Variants in TAFA1 observed in about 807,000 individuals in gnomAD.
The protein encoded by TAFA1 is chemokine-like protein TAFA-1.
Under a neutral mutation model 18.5 loss-of-function variants are expected in TAFA1, and 4 were observed. The ratio of observed to expected loss-of-function variants is 0.22; its 90% CI spans 0.11 to 0.49. TAFA1 has a LOEUF of 0.49. TAFA1 is among the 20% of genes least tolerant of loss of function. The pLI, the probability that TAFA1 is intolerant of heterozygous loss-of-function variation, is 0.98. For missense variants in TAFA1, 147 were observed against 169.0 expected (o/e 0.87, Z 0.72); for synonymous variants, 56 against 55.2 (o/e 1.01, Z -0.06).
intron 2 of TAFA1, among the ~76,000 whole-genome samples, chr3:68,345,131 A>T (rs1677504296): frequency 6.6e-6 from 1 of 152,122 alleles, no homozygotes; most frequent in Admixed American, 6.5e-5. Flanking sequence ...CCACCTTCAC[A>T]GTCTACATCC....
chr3:68,414,251 G>A (rs2070769992), intron 2 of TAFA1, among the ~76,000 whole-genome samples: 1 of 152,184 alleles, frequency 6.6e-6, no homozygotes. Context: ...AGGTTGCAGT[G>A]AACTGAGATC....
At chr3:68,310,747 G>A (rs1279887578) in intron 2 of TAFA1, among the ~76,000 whole-genome samples, 1 of 152,078 alleles carries the variant, frequency 6.6e-6, no homozygotes, top group Admixed American at 6.6e-5. Flanking sequence ...TTTGAAATGA[G>A]TCTAATATTT....
At chr3:68,293,211 A>G (rs1259550151) in intron 2 of TAFA1, among the ~76,000 whole-genome samples, 1 of 152,170 alleles carries the variant, frequency 6.6e-6, no homozygotes, top group Admixed American at 6.5e-5. Context: ...AAATAATCAT[A>G]TGCTGGCAGC....
rs1460534931 is a variant in TAFA1, at chr3:68,041,636, C to T, written c.118+34892C>T. Reference sequence around the variant, plus strand: ...AGTGTCTGCTATGTTAGGCATTGTGCTAGGTGCTGGAGCTGTGTGGAGAAG... The same window carrying T: ...AGTGTCTGCTATGTTAGGCATTGTGTTAGGTGCTGGAGCTGTGTGGAGAAG... On this transcript the variant is annotated intron_variant, in intron 2 of 4. Coordinates refer to ENST00000478136, the MANE Select transcript of TAFA1 (RefSeq NM_213609.4). Among the ~76,000 whole-genome samples the T allele has an allele frequency of 2.6e-5, 4 of 152,170 alleles. 1 individual carries two copies. The highest frequency in any genetic ancestry group is 4.8e-5 in the African/African-American group (2 of 41,434).
At chr3:68,389,321 C>T (rs969634081) in intron 2 of TAFA1, among the ~76,000 whole-genome samples, 1 of 152,170 alleles carries the variant, frequency 6.6e-6, no homozygotes, top group Admixed American at 6.5e-5. Context: ...TTTCATCAAC[C>T]TGGCCTCTTT....
intron 1 of TAFA1, 185 bp from the exon 2 acceptor site, chr3:68,006,436 TATG>T: frequency 1.8e-6 from 1 of 548,702 alleles, no homozygotes; most frequent in East Asian, 2.8e-5. Context: ...AAAATGAATG[TATG>T]ATCATCTGAA....
chr3:68,510,776 T>G lies in TAFA1; in HGVS notation c.260-27980T>G, dbSNP rs185960004. Among the ~76,000 whole-genome samples the G allele has an allele frequency of 1.4e-3, 210 of 152,258 alleles. 3 individuals are homozygous for G. The highest frequency in any genetic ancestry group is 4.8e-3 in the African/African-American group (200 of 41,552). ...CAATTCAATTTCTTCCCACTGTCTCTTTTGCATAGTAAAGGTAAAATGAAT... is the reference window on the plus strand; with the variant it reads ...CAATTCAATTTCTTCCCACTGTCTCGTTTGCATAGTAAAGGTAAAATGAAT... On this transcript the variant is annotated intron_variant, in intron 3 of 4. Transcript: ENST00000478136.
intron 2 of TAFA1, among the ~76,000 whole-genome samples, chr3:68,161,856 A>G (rs1201079325): frequency 6.6e-6 from 1 of 152,068 alleles, no homozygotes; most frequent in Non-Finnish European, 1.5e-5. Context: ...TTTTACCTTC[A>G]GATTCATAAT....
At chr3:68,028,751 A>ATTT (rs142734087) in intron 2 of TAFA1, among the ~76,000 whole-genome samples, 1 of 148,040 alleles carries the variant, frequency 6.8e-6, no homozygotes, top group Non-Finnish European at 1.5e-5. Flanking sequence ...TTTTTTTAAA[A>ATTT]TTTTTTTTTT....
intron 2 of TAFA1, among the ~76,000 whole-genome samples, chr3:68,043,768 G>T (rs1475906565): frequency 1.3e-5 from 2 of 152,106 alleles, no homozygotes; most frequent in Non-Finnish European, 2.9e-5. Context: ...TTGTTGCTGA[G>T]GGCATTTATT....
intron 2 of TAFA1, among the ~76,000 whole-genome samples, chr3:68,384,751 T>C (rs917097890): frequency 6.6e-6 from 1 of 152,070 alleles, no homozygotes; most frequent in Non-Finnish European, 1.5e-5. Context: ...ATCTATCTAA[T>C]ATTGTCAATG....
chr3:68,390,674 G>T (rs559789350), intron 2 of TAFA1, among the ~76,000 whole-genome samples: 3 of 152,224 alleles, frequency 2.0e-5, no homozygotes, highest in Non-Finnish European at 4.4e-5. Flanking sequence ...AGCAATCTTT[G>T]CTGTTTTGCA....
intron 3 of TAFA1, among the ~76,000 whole-genome samples, chr3:68,449,323 A>C (rs1410660964): frequency 1.3e-5 from 2 of 152,168 alleles, no homozygotes; most frequent in Non-Finnish European, 2.9e-5. Context: ...GACTCATTTC[A>C]TCATTTCCAA....
chr3:68,043,823 A>G (rs73837259), intron 2 of TAFA1, among the ~76,000 whole-genome samples: 2,862 of 152,296 alleles, frequency 0.019, 99 homozygotes, highest in African/African-American at 0.066. Context: ...GTCTTCAAGA[A>G]AAATTCATTT....
chr3:68,368,154 A>G (rs2069608103), intron 2 of TAFA1, among the ~76,000 whole-genome samples: 2 of 152,200 alleles, frequency 1.3e-5, no homozygotes, highest in African/African-American at 4.8e-5. Flanking sequence ...GAAAAACCTC[A>G]GGATTTTTTT....
chr3:68,000,809 A>G (rs1704275202), upstream of TAFA1, among the ~76,000 whole-genome samples: 1 of 152,208 alleles, frequency 6.6e-6, no homozygotes, highest in South Asian at 2.1e-4. Context: ...GATTTGAGGC[A>G]TAAACAGGAA....
chr3:68,214,319 C>T (rs951485058), intron 2 of TAFA1, among the ~76,000 whole-genome samples: 6 of 152,112 alleles, frequency 3.9e-5, no homozygotes, highest in Admixed American at 3.9e-4. Context: ...AGGAATTGAT[C>T]TCTGAGTATA....
chr3:68,422,397 C>T (rs1221331343), intron 3 of TAFA1, among the ~76,000 whole-genome samples: 3 of 152,066 alleles, frequency 2.0e-5, no homozygotes. Flanking sequence ...CCACGTTTGT[C>T]CTAAACATAT....
At chr3:68,071,404 T>G (rs2106749233) in intron 2 of TAFA1, among the ~76,000 whole-genome samples, 1 of 151,870 alleles carries the variant, frequency 6.6e-6, no homozygotes, top group South Asian at 2.1e-4. Context: ...ACATGAGAAT[T>G]GTGGGAGAGA....
Sources: allele counts gnomAD v4.1 joint callset (sites outside exome capture counted in the v4.1 genomes callset), GRCh38; gene constraint gnomAD v4.1.1; transcripts MANE v1.5; gene names NCBI Gene and HGNC (gene_info 2026-07-23, HGNC 2026-07-21).